CAPN3: variants seen among roughly 807,000 people sequenced by gnomAD.
CAPN3 encodes the protein calpain-3.
Under a neutral mutation model 114.0 loss-of-function variants are expected in CAPN3, and 88 were observed. The observed-to-expected ratio is 0.77, with a 90% CI of 0.65 to 0.92. CAPN3 has a LOEUF of 0.92. Ranked by LOEUF, CAPN3 falls within the 40% of genes least tolerant of loss-of-function variation. CAPN3 has a pLI of 0.00. For synonymous variants in CAPN3, 386 were observed against 382.9 expected, an observed-to-expected ratio of 1.01 and a Z score of -0.09; for missense variants, 1,028 against 1,069.0, an observed-to-expected ratio of 0.96 and a Z score of 0.53.
At chr15:42,409,647 G>A in intron 17 of CAPN3, 140 bp from the exon 18 acceptor site, 1 of 912,630 alleles carries the variant, frequency 1.1e-6, no homozygotes. Flanking sequence ...GTCTTCCTCA[G>A]AAAAGCCCCA....
intron 16 of CAPN3, chr15:42,409,028 G>A: frequency 7.9e-6 from 4 of 508,690 alleles, no homozygotes; most frequent in South Asian, 6.1e-5. Flanking sequence ...TGGTGGAGGG[G>A]GCTCTTGCAG....
intron 1 of CAPN3, among the ~76,000 whole-genome samples, chr15:42,376,621 C>T (rs780353735): frequency 6.6e-6 from 1 of 151,790 alleles, no homozygotes; most frequent in Non-Finnish European, 1.5e-5. Context: ...TCTCCTGCCC[C>T]AATCCTAGAA....
chr15:42,367,602 A>G (rs1363137942), intron 1 of CAPN3, among the ~76,000 whole-genome samples: 1 of 152,222 alleles, frequency 6.6e-6, no homozygotes, highest in Non-Finnish European at 1.5e-5. Flanking sequence ...GCCTTTCCAG[A>G]TGGATGGCTT....
At position 42,389,034 on chromosome 15, in the gene CAPN3, G is replaced by T; in HGVS notation, c.739G>T (p.Asp247Tyr). 6.2e-7 allele frequency: 1 copy of T among 1,614,112 alleles called. No individual in the cohort carries two copies. The highest frequency in any genetic ancestry group is 8.5e-7 in the Non-Finnish European group (1 of 1,180,020). Residue 247 changes from aspartate to tyrosine, a missense_variant, in exon 5 of 24, where the codon GAC (aspartate) becomes TAC (tyrosine). Physicochemically the swap from Asp to Tyr is radical, Grantham distance 160. Coordinates refer to ENST00000397163, the MANE Select transcript of CAPN3 (RefSeq NM_000070.3). Reference sequence around the variant, plus strand: ...TTTTGAGATCAGGGATGCTCCTAGTGACATGTACAAGATCATGAAGAAAGC... The same window carrying T: ...TTTTGAGATCAGGGATGCTCCTAGTTACATGTACAAGATCATGAAGAAAGC... Reference protein sequence around the residue: ...EFFEIRDAPSDMYKIMKKAIE... With the variant: ...EFFEIRDAPSYMYKIMKKAIE...
chr15:42,387,980 C>A, intron 4 of CAPN3, 94 bp downstream of exon 4: 1 of 1,469,902 alleles, frequency 6.8e-7, no homozygotes, highest in Non-Finnish European at 9.5e-7. Flanking sequence ...GAGGCATGTG[C>A]CTCTATACGT....
At chr15:42,380,751 A>ATATTTTTTTTTTT (rs1436943739) in intron 1 of CAPN3, among the ~76,000 whole-genome samples, 6 of 64,456 alleles carry the variant, frequency 9.3e-5, no homozygotes, top group African/African-American at 4.5e-4. Flanking sequence ...ATATATATAT[A>ATATTTTTTTTTTT]TTTTTTTTTT....
At chr15:42,411,246 T>C (rs745322101) in intron 22 of CAPN3, 41 bp from the exon 23 acceptor site, 3 of 1,560,684 alleles carry the variant, frequency 1.9e-6, no homozygotes, top group East Asian at 4.5e-5. Context: ...AGAGGCGGAG[T>C]GCGCCTGTAA....
chr15:42,387,495 T>C (rs533618126), intron 3 of CAPN3, among the ~76,000 whole-genome samples: 1 of 152,314 alleles, frequency 6.6e-6, no homozygotes, highest in Admixed American at 6.5e-5. Flanking sequence ...GAGCACCTAC[T>C]CTACCCATTA....
intron 19 of CAPN3, 166 bp from the exon 20 acceptor site, chr15:42,410,262 C>T: frequency 1.3e-6 from 1 of 785,672 alleles, no homozygotes. Context: ...GAGAGCGGCT[C>T]CTGGGTTACA....
intron 13 of CAPN3, among the ~76,000 whole-genome samples, chr15:42,403,437 T>C (rs2053933530): frequency 1.3e-5 from 2 of 152,150 alleles, no homozygotes. Context: ...CCACCACAGA[T>C]GAGCTCATAG....
chr15:42,409,633 C>T (rs1408020034), intron 17 of CAPN3, among the ~76,000 whole-genome samples, 154 bp from the exon 18 acceptor site: 4 of 152,250 alleles, frequency 2.6e-5, no homozygotes, highest in Non-Finnish European at 5.9e-5. Context: ...GTATCTGGCC[C>T]CCTGTCTTCC....
chr15:42,410,784 T>C, intron 21 of CAPN3, 100 bp from the exon 22 acceptor site: 1 of 1,373,264 alleles, frequency 7.3e-7, no homozygotes, highest in Admixed American at 1.7e-5. Flanking sequence ...CTTCTCACTT[T>C]CCCTTCCCAG....
At chr15:42,364,593 A>G (rs567011251) in intron 1 of CAPN3, among the ~76,000 whole-genome samples, 1 of 152,360 alleles carries the variant, frequency 6.6e-6, no homozygotes, top group South Asian at 2.1e-4. Flanking sequence ...CCTCATGGGC[A>G]GGGGACTGCT....
At chr15:42,370,035 G>T (rs2052903396) in intron 1 of CAPN3, among the ~76,000 whole-genome samples, 1 of 151,946 alleles carries the variant, frequency 6.6e-6, no homozygotes, top group Non-Finnish European at 1.5e-5. Context: ...ACCACGCTTG[G>T]CTAATTTTTG....
Position 42,386,288 on chromosome 15 carries a change from G to A in CAPN3, c.498+3G>A, listed in dbSNP as rs200469580. 2 of 1,592,202 alleles carry A rather than the reference G, an allele frequency of 1.3e-6. No homozygotes were observed. Among genetic ancestry groups the A allele is most frequent in the African/African-American group, 2.7e-5 (2 of 74,612 alleles). On this transcript the variant is annotated splice_donor_region_variant and intron_variant, in intron 3 of 23. Coordinates refer to ENST00000397163, the MANE Select transcript of CAPN3 (RefSeq NM_000070.3). ...ACGCAGGGATCTTCCACTTCCAGGT[G>A]AGGTAATGAGAGTGTAGTTAAGAGG...
chr15:42,408,493 T>C, intron 16 of CAPN3, 169 bp downstream of exon 16: 1 of 623,860 alleles, frequency 1.6e-6, no homozygotes, highest in East Asian at 3.3e-5. Flanking sequence ...AAATTTGGGC[T>C]GCTGCTTGGG....
chr15:42,408,939 C>A, intron 16 of CAPN3: 1 of 328,352 alleles, frequency 3.0e-6, no homozygotes. Context: ...GCCTTGATGA[C>A]AGGGTGGCTG....
chr15:42,366,835 T>TTC (rs2052795730), intron 1 of CAPN3, among the ~76,000 whole-genome samples: 2 of 143,420 alleles, frequency 1.4e-5, no homozygotes, highest in African/African-American at 2.9e-5. Context: ...TTTCTTTTTT[T>TTC]TTTTCTTTTT....
In CAPN3 at chr15:42,382,754, C is replaced by G. The variant is rs569831205; in HGVS notation, c.310-1729C>G. 6.4e-4 allele frequency among the ~76,000 whole-genome samples: 98 copies of G among 152,104 alleles called. 2 individuals are homozygous for G. The South Asian group carries it at 0.02, about 30-fold the overall frequency. On this transcript the variant is annotated intron_variant, in intron 1 of 23. Transcript: ENST00000397163. The stretch of plus-strand genomic sequence containing the variant: ...TTTCTTTATGGTTTTGGTTTTTGTC[C>G]TTAGGATATATTCCAAAAGGGATAG...
Sources: allele counts gnomAD v4.1 joint callset (sites outside exome capture counted in the v4.1 genomes callset), GRCh38; gene constraint gnomAD v4.1.1; transcripts MANE v1.5; gene names NCBI Gene and HGNC (gene_info 2026-07-23, HGNC 2026-07-21).